UBE4B: variants seen among roughly 807,000 people sequenced by gnomAD.
The protein encoded by UBE4B is ubiquitin conjugation factor E4 B.
Under a neutral mutation model 148.1 loss-of-function variants are expected in UBE4B, and 27 were observed. The observed-to-expected ratio is 0.18, with a 90% confidence interval of 0.13 to 0.25. UBE4B has a LOEUF of 0.25. Among genes scored for constraint, UBE4B ranks in the 10% least tolerant of loss-of-function variants. UBE4B has a pLI of 1.00. For synonymous variants in UBE4B, 596 were observed against 619.3 expected (o/e 0.96, Z 0.56); for missense variants, 1,170 against 1,662.4 (o/e 0.70, Z 5.15).
intron 2 of UBE4B, among the ~76,000 whole-genome samples, chr1:10,082,990 A>AT (rs1431918236): frequency 6.6e-6 from 1 of 152,080 alleles, no homozygotes; most frequent in African/African-American, 2.4e-5. Context: ...ACATGATCTC[A>AT]TTCTTTTTTA....
At chr1:10,100,847 C>G (rs1644999379) in intron 3 of UBE4B, 2 of 381,048 alleles carry the variant, frequency 5.2e-6, no homozygotes, top group African/African-American at 4.2e-5. Context: ...AGCCACTGCA[C>G]TCGGCCAATG....
At chr1:10,077,759 TATTC>T (rs1177447234) in intron 2 of UBE4B, among the ~76,000 whole-genome samples, 3 of 152,242 alleles carry the variant, frequency 2.0e-5, no homozygotes, top group African/African-American at 7.2e-5. Flanking sequence ...ATCCTCAGTC[TATTC>T]ATTTTCTTCT....
chr1:10,136,573 C>T (rs1570958091), intron 16 of UBE4B, among the ~76,000 whole-genome samples: 1 of 151,436 alleles, frequency 6.6e-6, no homozygotes, highest in East Asian at 1.9e-4. Flanking sequence ...ATGGAGCTAA[C>T]AGGAATTCTC....
chr1:10,165,906 A>G (rs2102019887), intron 23 of UBE4B, among the ~76,000 whole-genome samples: 1 of 152,254 alleles, frequency 6.6e-6, no homozygotes, highest in East Asian at 1.9e-4. Context: ...GCTGCATGAG[A>G]GCTGGGAGCC....
At chr1:10,057,559 C>T (rs1281607233) in intron 1 of UBE4B, among the ~76,000 whole-genome samples, 1 of 151,202 alleles carries the variant, frequency 6.6e-6, no homozygotes, top group Non-Finnish European at 1.5e-5. Context: ...CACACACCAC[C>T]ATGCCAGGCT....
intron 2 of UBE4B, among the ~76,000 whole-genome samples, chr1:10,081,970 C>T (rs60495933): frequency 0.026 from 3,916 of 152,286 alleles, 161 homozygotes; most frequent in African/African-American, 0.09. Flanking sequence ...CCACCTTGGC[C>T]TCCCAATGTG....
chr1:10,177,644 A>G (rs964103055), intron 25 of UBE4B, among the ~76,000 whole-genome samples: 10 of 151,890 alleles, frequency 6.6e-5, no homozygotes, highest in African/African-American at 2.4e-4. Flanking sequence ...TGACAGAATG[A>G]GACTCTGTCT....
intron 1 of UBE4B, among the ~76,000 whole-genome samples, chr1:10,066,262 C>T (rs906915131): frequency 1.3e-5 from 2 of 151,690 alleles, no homozygotes; most frequent in Non-Finnish European, 2.9e-5. Context: ...CACTACACAT[C>T]GTGTGTGCCA....
At chr1:10,063,023 T>C (rs2101815924) in intron 1 of UBE4B, among the ~76,000 whole-genome samples, 1 of 151,406 alleles carries the variant, frequency 6.6e-6, no homozygotes, top group Non-Finnish European at 1.5e-5. Context: ...CTGGGCATAC[T>C]TTGGGAGGCC....
At chr1:10,090,087 C>T (rs867436065) in intron 2 of UBE4B, among the ~76,000 whole-genome samples, 3 of 151,200 alleles carry the variant, frequency 2.0e-5, no homozygotes, top group Non-Finnish European at 4.4e-5. Context: ...AAAGGAATTA[C>T]AGCATTATGT....
At chr1:10,162,811 T>A (rs1354927756) in intron 23 of UBE4B, among the ~76,000 whole-genome samples, 2 of 152,028 alleles carry the variant, frequency 1.3e-5, no homozygotes, top group African/African-American at 4.8e-5. Flanking sequence ...GTCCCCAGTG[T>A]CTGTTATTCC....
At chr1:10,134,806 C>T (rs1333438510) in intron 15 of UBE4B, among the ~76,000 whole-genome samples, 182 bp from the exon 16 acceptor site, 3 of 151,552 alleles carry the variant, frequency 2.0e-5, no homozygotes, top group Admixed American at 6.6e-5. Context: ...CTGAGGTGGG[C>T]GGATCACTTT....
chr1:10,088,924 C>T (rs1644803638), intron 2 of UBE4B, among the ~76,000 whole-genome samples: 1 of 152,158 alleles, frequency 6.6e-6, no homozygotes, highest in Non-Finnish European at 1.5e-5. Context: ...AGCGATCCTC[C>T]CACCTCAACC....
intron 1 of UBE4B, among the ~76,000 whole-genome samples, chr1:10,033,951 T>C (rs1332858050): frequency 6.6e-6 from 1 of 152,174 alleles, no homozygotes; most frequent in Non-Finnish European, 1.5e-5. Flanking sequence ...GGAGAGAGCA[T>C]CTTGAGGTGT....
At chr1:10,067,852 C>T (rs751105414) in intron 1 of UBE4B, among the ~76,000 whole-genome samples, 13 of 151,864 alleles carry the variant, frequency 8.6e-5, no homozygotes, top group African/African-American at 1.7e-4. Flanking sequence ...CTCAGCTTCC[C>T]GAGTAGCTTG....
Position 10,161,947 on chromosome 1 carries a change from T to G in UBE4B, c.3198+661T>G, listed in dbSNP as rs1646167023. ...TGTCAGGCTCAGAATCAGAACTGAT[T>G]TCCATAAGGGGTTCTCATGTCAAAG... is the stretch of plus-strand genomic sequence containing the variant. On this transcript the variant is annotated intron_variant, in intron 23 of 27. Transcript: ENST00000343090. The surrounding 1 kb of genome is among the most constrained non-coding windows in gnomAD (Gnocchi z 4.1). Among the ~76,000 whole-genome samples the G allele has an allele frequency of 6.6e-6, 1 of 152,178 alleles. No individual in the cohort carries two copies. Among genetic ancestry groups the G allele is most frequent in the Admixed American group, 6.6e-5 (1 of 15,266 alleles).
At chr1:10,098,093 A>G (rs947392484) in intron 3 of UBE4B, among the ~76,000 whole-genome samples, 6 of 151,634 alleles carry the variant, frequency 4.0e-5, no homozygotes, top group African/African-American at 1.5e-4. Flanking sequence ...CTGGCCTAAA[A>G]CTCCTGACTT....
chr1:10,137,186 G>C lies in UBE4B; in HGVS notation c.2344G>C (p.Ala782Pro). 1 of 1,614,064 alleles carries C rather than the reference G, an allele frequency of 6.2e-7. No homozygotes were observed. Among genetic ancestry groups the C allele is most frequent in the South Asian group, 1.1e-5 (1 of 91,074 alleles). ...SCRRYIRRLR[A>P]IRELNRTVED... ...CCGTCGCTATATCCGCAGACTCCGGGCTATCCGGGAGCTCAATAGGTATGT... is the reference window on the plus strand; with the variant it reads ...CCGTCGCTATATCCGCAGACTCCGGCCTATCCGGGAGCTCAATAGGTATGT... The change falls in exon 17 of 28, where the codon GCT (alanine) becomes CCT (proline). Residue 782 changes from alanine (A) to proline (P), a missense_variant. Around this residue, in one of 6 missense-constraint regions of UBE4B, gnomAD observed 388 missense variants for 536.0 expected, o/e 0.72. Coordinates refer to ENST00000343090, the MANE Select transcript of UBE4B (RefSeq NM_001105562.3).
At chr1:10,061,912 CTTTTTTTT>C (rs767477329) in intron 1 of UBE4B, among the ~76,000 whole-genome samples, 1 of 138,276 alleles carries the variant, frequency 7.2e-6, no homozygotes, top group Non-Finnish European at 1.6e-5. Flanking sequence ...CTTCTTTTTT[CTTTTTTTT>C]TTTTTTTTGA....
Sources: gnomAD v4.1 joint callset for allele counts (sites outside exome capture counted in the v4.1 genomes callset) on GRCh38, gnomAD v4.1.1 for gene constraint, gnomAD v4.1.1 regional missense constraint, Gnocchi (gnomAD v3.1) non-coding constraint, MANE v1.5 for transcripts, NCBI Gene and HGNC (gene_info 2026-07-23, HGNC 2026-07-21) for gene names.